CCDC171: variants seen among roughly 807,000 people sequenced by gnomAD.
The protein encoded by CCDC171 is coiled-coil domain-containing protein 171.
In CCDC171, 177 loss-of-function variants were observed where a neutral mutation model predicts 168.2. The observed-to-expected ratio is 1.05, with a 90% CI of 0.93 to 1.19. The LOEUF (loss-of-function observed/expected upper bound fraction) is 1.19, where lower values mean the gene tolerates loss of function less well. Among genes scored for constraint, CCDC171 ranks in the 50% most tolerant of loss-of-function variants. CCDC171 has a pLI of 0.00. For synonymous variants in CCDC171, 687 were observed against 540.8 expected, an observed-to-expected ratio of 1.27 and a Z score of -3.75; for missense variants, 1,991 against 1,539.0, an observed-to-expected ratio of 1.29 and a Z score of -4.91.
intron 8 of CCDC171, among the ~76,000 whole-genome samples, chr9:15,659,229 G>T (rs1488994195): frequency 6.6e-6 from 1 of 152,168 alleles, no homozygotes; most frequent in African/African-American, 2.4e-5. Flanking sequence ...TCAAGCAACT[G>T]CCGGTAGCTT....
intron 6 of CCDC171, among the ~76,000 whole-genome samples, chr9:15,602,521 T>C (rs2663298): frequency 1 from 151,736 of 152,124 alleles, 75,674 homozygotes; most frequent in African/African-American, 1. Context: ...TTTTCTTTCT[T>C]GGAGATTGGA....
At chr9:15,985,914 AGAC>A (rs1831970843) in intron 3 of CCDC171, among the ~76,000 whole-genome samples, 1 of 152,242 alleles carries the variant, frequency 6.6e-6, no homozygotes, top group Non-Finnish European at 1.5e-5. Flanking sequence ...GAAGTCAGAT[AGAC>A]TGGTTAATCA....
chr9:15,802,159 G>A (rs2058856356), intron 21 of CCDC171, among the ~76,000 whole-genome samples: 1 of 151,678 alleles, frequency 6.6e-6, no homozygotes, highest in South Asian at 2.1e-4. Flanking sequence ...TATGACAAAT[G>A]TTGGTGTGGT....
intron 4 of CCDC171, among the ~76,000 whole-genome samples, chr9:15,590,757 T>TTCTTTCTTTC (rs2041918857): frequency 1.5e-5 from 2 of 134,306 alleles, no homozygotes; most frequent in Non-Finnish European, 3.2e-5. Flanking sequence ...GATTTTTTTC[T>TTCTTTCTTTC]TCTTTCTTTC....
intron 25 of CCDC171, among the ~76,000 whole-genome samples, chr9:15,944,993 C>T (rs1160070026): frequency 2.0e-5 from 3 of 151,916 alleles, no homozygotes; most frequent in Non-Finnish European, 4.4e-5. Flanking sequence ...AACTCGTCAT[C>T]TAGCATTAGG....
chr9:15,966,194 A>T (rs1830769279), intron 25 of CCDC171, among the ~76,000 whole-genome samples: 2 of 152,368 alleles, frequency 1.3e-5, no homozygotes, highest in Non-Finnish European at 1.5e-5. Flanking sequence ...TGTTACAGTT[A>T]GCTGTAGTTG....
At chr9:15,618,020 A>G (rs1303555742) in intron 6 of CCDC171, among the ~76,000 whole-genome samples, 2 of 152,158 alleles carry the variant, frequency 1.3e-5, no homozygotes, top group East Asian at 3.9e-4. Flanking sequence ...TGTCCTTAGG[A>G]GTGCGGGTGC....
At chr9:15,679,156 TG>T (rs1323657397) in intron 10 of CCDC171, among the ~76,000 whole-genome samples, 4 of 152,194 alleles carry the variant, frequency 2.6e-5, no homozygotes, top group African/African-American at 4.8e-5. Context: ...TGTATTCAAA[TG>T]TTTTTTTTTT....
At chr9:15,891,618 A>G (rs567150182) in intron 24 of CCDC171, among the ~76,000 whole-genome samples, 2 of 152,312 alleles carry the variant, frequency 1.3e-5, no homozygotes, top group South Asian at 4.1e-4. Flanking sequence ...AAGGGGTTAA[A>G]TAGGCACTTC....
intron 11 of CCDC171, among the ~76,000 whole-genome samples, chr9:15,700,609 T>G (rs916295179): frequency 6.6e-6 from 1 of 152,202 alleles, no homozygotes; most frequent in African/African-American, 2.4e-5. Context: ...CCTCTCAATA[T>G]GGTAGCTTTA....
chr9:15,746,278 C>T (rs769410552), intron 18 of CCDC171, among the ~76,000 whole-genome samples: 1 of 152,128 alleles, frequency 6.6e-6, no homozygotes, highest in Non-Finnish European at 1.5e-5. Context: ...TAAGATTTGT[C>T]TGTTTAATGA....
At chr9:15,599,768 G>A (rs1048972877) in intron 6 of CCDC171, among the ~76,000 whole-genome samples, 1 of 152,178 alleles carries the variant, frequency 6.6e-6, no homozygotes. Flanking sequence ...CATTCTGCCC[G>A]TCACTTTCAG....
chr9:15,831,366 C>A (rs1481246813), intron 21 of CCDC171, among the ~76,000 whole-genome samples: 1 of 152,072 alleles, frequency 6.6e-6, no homozygotes, highest in African/African-American at 2.4e-5. Flanking sequence ...AAAAATAGAT[C>A]ATGTAATAAA....
intron 25 of CCDC171, among the ~76,000 whole-genome samples, chr9:15,951,643 A>G (rs542330125): frequency 1.4e-4 from 21 of 152,096 alleles, no homozygotes; most frequent in Admixed American, 4.6e-4. Flanking sequence ...GCATCTTTAT[A>G]TGTGCTTATT....
intron 7 of CCDC171, among the ~76,000 whole-genome samples, chr9:15,637,292 CAAAAA>C (rs1279563609): frequency 6.6e-6 from 1 of 151,868 alleles, no homozygotes; most frequent in Non-Finnish European, 1.5e-5. Context: ...AAAATGCACA[CAAAAA>C]AGAAAATATC....
At chr9:15,992,101 C>G (rs190640765) in intron 3 of CCDC171, among the ~76,000 whole-genome samples, 2 of 152,248 alleles carry the variant, frequency 1.3e-5, no homozygotes, top group African/African-American at 4.8e-5. Context: ...CATCCTGATA[C>G]CAAAGCCTGG....
At chr9:15,765,612 A>G (rs754307125) in intron 18 of CCDC171, among the ~76,000 whole-genome samples, 3 of 152,196 alleles carry the variant, frequency 2.0e-5, no homozygotes, top group African/African-American at 4.8e-5. Flanking sequence ...AAGACTATCA[A>G]TTGAGATGGA....
intron 8 of CCDC171, among the ~76,000 whole-genome samples, chr9:15,659,524 T>A (rs2048165915): frequency 6.6e-6 from 1 of 152,200 alleles, no homozygotes; most frequent in Non-Finnish European, 1.5e-5. Context: ...GAACTTAGAT[T>A]CTCAGTATAA....
intron 16 of CCDC171, among the ~76,000 whole-genome samples, chr9:15,730,656 TAAATA>T (rs1447304875): frequency 6.6e-6 from 1 of 151,714 alleles, no homozygotes; most frequent in Non-Finnish European, 1.5e-5. Context: ...CACACATACA[TAAATA>T]AAATTATTAT....
Sources: gnomAD v4.1 joint callset for allele counts (sites outside exome capture counted in the v4.1 genomes callset) on GRCh38, gnomAD v4.1.1 for gene constraint, MANE v1.5 for transcripts, NCBI Gene and HGNC (gene_info 2026-07-23, HGNC 2026-07-21) for gene names.